SNCAIP: variants seen among roughly 807,000 people sequenced by gnomAD.
SNCAIP encodes synphilin-1.
A neutral mutation model predicts 86.7 loss-of-function variants in SNCAIP; 43 were observed. That is an observed-to-expected ratio of 0.50 (90% confidence interval 0.39 to 0.64). The LOEUF (loss-of-function observed/expected upper bound fraction) is 0.64. Among genes scored for constraint, SNCAIP ranks in the 30% least tolerant of loss-of-function variants. SNCAIP has a pLI of 0.00. For missense variants in SNCAIP, 981 were observed against 1,103.1 expected (o/e 0.89, Z 1.57); for synonymous variants, 417 against 427.2 (o/e 0.98, Z 0.29).
chr5:122,390,940 T>C, intron 1 of SNCAIP, 149 bp from the exon 2 acceptor site: 1 of 602,110 alleles, frequency 1.7e-6, no homozygotes, highest in Middle Eastern at 4.5e-4. Context: ...AAAGCCAGGC[T>C]GTGGACAGTT....
intron 10 of SNCAIP, among the ~76,000 whole-genome samples, chr5:122,456,401 G>A (rs1473697320): frequency 6.6e-6 from 1 of 152,122 alleles, no homozygotes; most frequent in African/African-American, 2.4e-5. Flanking sequence ...CATCTGCTGT[G>A]CCCATTAGAG....
intron 3 of SNCAIP, among the ~76,000 whole-genome samples, chr5:122,405,595 A>G (rs1039160943): frequency 1.3e-5 from 2 of 152,356 alleles, no homozygotes; most frequent in Non-Finnish European, 2.9e-5. Flanking sequence ...AACCCCAGGA[A>G]GTCTACTTCC....
chr5:122,362,759 G>A (rs1247941102), intron 1 of SNCAIP, among the ~76,000 whole-genome samples: 6 of 152,170 alleles, frequency 3.9e-5, no homozygotes, highest in Non-Finnish European at 7.3e-5. Flanking sequence ...AACTGAGCGT[G>A]AACTACATTC....
intron 3 of SNCAIP, among the ~76,000 whole-genome samples, chr5:122,404,259 A>AC (rs1772480355): frequency 6.6e-6 from 1 of 152,200 alleles, no homozygotes; most frequent in Non-Finnish European, 1.5e-5. Flanking sequence ...CAGCTTGGGG[A>AC]ATGGTGCTTT....
At chr5:122,382,866 T>C (rs1434775900) in intron 1 of SNCAIP, among the ~76,000 whole-genome samples, 1 of 152,180 alleles carries the variant, frequency 6.6e-6, no homozygotes, top group Non-Finnish European at 1.5e-5. Flanking sequence ...GGGTCAGGGG[T>C]CAGGGACCCA....
At chr5:122,404,539 A>G (rs2152877296) in intron 3 of SNCAIP, among the ~76,000 whole-genome samples, 1 of 152,274 alleles carries the variant, frequency 6.6e-6, no homozygotes, top group Non-Finnish European at 1.5e-5. Flanking sequence ...AAATGAAAAT[A>G]AAAAAGGATA....
chr5:122,446,174 C>T (rs1253297075), intron 8 of SNCAIP, among the ~76,000 whole-genome samples: 1 of 151,990 alleles, frequency 6.6e-6, no homozygotes, highest in Non-Finnish European at 1.5e-5. Flanking sequence ...CCTTTATGAA[C>T]ATGTATAGAT....
At chr5:122,382,120 A>G (rs1389505611) in intron 1 of SNCAIP, among the ~76,000 whole-genome samples, 1 of 152,294 alleles carries the variant, frequency 6.6e-6, no homozygotes, top group East Asian at 1.9e-4. Context: ...TCTCCTGGAT[A>G]ATATCCTGAA....
At chr5:122,389,997 A>C (rs184037925) in intron 1 of SNCAIP, 1 of 152,284 alleles carries the variant, frequency 6.6e-6, no homozygotes, top group Non-Finnish European at 1.5e-5. Flanking sequence ...TTTAAAAAGT[A>C]GGTCTTTTTA....
chr5:122,348,960 C>A (rs986534267), intron 1 of SNCAIP, among the ~76,000 whole-genome samples: 2 of 151,994 alleles, frequency 1.3e-5, no homozygotes, highest in African/African-American at 4.8e-5. Flanking sequence ...AAACTTTGTT[C>A]CTTGTGATAT....
intron 1 of SNCAIP, among the ~76,000 whole-genome samples, chr5:122,386,913 TC>T (rs1768276042): frequency 6.6e-6 from 1 of 152,128 alleles, no homozygotes; most frequent in African/African-American, 2.4e-5. Context: ...TGGGATGATT[TC>T]AATCCGTGGA....
At chr5:122,320,275 A>C (rs527452456) in intron 1 of SNCAIP, among the ~76,000 whole-genome samples, 1 of 152,202 alleles carries the variant, frequency 6.6e-6, no homozygotes, top group Admixed American at 6.5e-5. Flanking sequence ...TTCCGAGTAC[A>C]GTTTGCACAC....
chr5:122,456,844 A>C (rs1784865848), intron 10 of SNCAIP, among the ~76,000 whole-genome samples: 1 of 152,368 alleles, frequency 6.6e-6, no homozygotes, highest in South Asian at 2.1e-4. Flanking sequence ...TGTTGAGTGC[A>C]TCCTTCCAGA....
At position 122,354,846 on chromosome 5, in the gene SNCAIP, C is replaced by T. The variant is rs143059679; in HGVS notation, c.-46-36243C>T. ...TCAGATTTCCTTTGGAGTATATGAG[C>T]CATATTTTGTATTGCATTTCAAAAC... On this transcript the variant is annotated intron_variant, in intron 1 of 10. Coordinates refer to ENST00000261368, the MANE Select transcript of SNCAIP (RefSeq NM_005460.4). 5.2e-3 allele frequency among the ~76,000 whole-genome samples: 790 copies of T among 152,206 alleles called. 6 individuals carry two copies. Among genetic ancestry groups the T allele is most frequent in the Non-Finnish European group, 8.6e-3 (584 of 67,996 alleles).
At chr5:122,440,819 A>G in intron 7 of SNCAIP, 65 bp downstream of exon 7, 1 of 1,437,812 alleles carries the variant, frequency 7.0e-7, no homozygotes, top group Non-Finnish European at 9.8e-7. Flanking sequence ...AAACATTAAA[A>G]TTATGTTCAC....
intron 3 of SNCAIP, among the ~76,000 whole-genome samples, chr5:122,412,933 A>G (rs1438043290): frequency 6.6e-6 from 1 of 152,152 alleles, no homozygotes; most frequent in Non-Finnish European, 1.5e-5. Context: ...GTATTTCCCC[A>G]TGCTATAAAC....
At chr5:122,374,992 A>T (rs1415296723) in intron 1 of SNCAIP, among the ~76,000 whole-genome samples, 1 of 152,088 alleles carries the variant, frequency 6.6e-6, no homozygotes, top group Non-Finnish European at 1.5e-5. Flanking sequence ...GATTTTGTTC[A>T]TCATCTCTAC....
At chr5:122,342,440 T>C (rs929556595) in intron 1 of SNCAIP, among the ~76,000 whole-genome samples, 1 of 152,142 alleles carries the variant, frequency 6.6e-6, no homozygotes, top group African/African-American at 2.4e-5. Flanking sequence ...TTCACATCAC[T>C]GGATGTGGAT....
At chr5:122,330,926 G>A (rs1755202548) in intron 1 of SNCAIP, among the ~76,000 whole-genome samples, 1 of 151,792 alleles carries the variant, frequency 6.6e-6, no homozygotes, top group South Asian at 2.1e-4. Context: ...TGATGGTTGT[G>A]GAGGGGTTGA....
Sources: gnomAD v4.1 joint callset for allele counts (sites outside exome capture counted in the v4.1 genomes callset) on GRCh38, gnomAD v4.1.1 for gene constraint, MANE v1.5 for transcripts, NCBI Gene and HGNC (gene_info 2026-07-23, HGNC 2026-07-21) for gene names.